VGLL4: variants seen among roughly 807,000 people sequenced by gnomAD.
VGLL4 encodes vestigial like family member 4, also known as transcription cofactor vestigial-like protein 4.
In VGLL4, 7 loss-of-function variants were observed where a neutral mutation model predicts 21.0. The observed-to-expected ratio is 0.33, with a 90% CI of 0.19 to 0.63. The LOEUF is 0.63. VGLL4 is among the 20% of genes least tolerant of loss of function. VGLL4 has a pLI of 0.78. For synonymous variants in VGLL4, 222 were observed against 173.2 expected, an observed-to-expected ratio of 1.28 and a Z score of -2.21; for missense variants, 394 against 425.7, an observed-to-expected ratio of 0.93 and a Z score of 0.66.
intron 2 of VGLL4, among the ~76,000 whole-genome samples, chr3:11,694,889 G>A (rs778976812): frequency 6.6e-5 from 10 of 152,066 alleles, no homozygotes; most frequent in Non-Finnish European, 1.5e-4. Flanking sequence ...GTTGTGTCAC[G>A]GCTAGCTTTT....
chr3:11,674,865 CAT>C (rs1360169658), intron 2 of VGLL4, among the ~76,000 whole-genome samples: 2 of 152,014 alleles, frequency 1.3e-5, no homozygotes, highest in East Asian at 3.8e-4. Context: ...AATGGAAAGA[CAT>C]AGGAAAAAGA....
At chr3:11,687,097 C>T (rs1575531201) in intron 2 of VGLL4, among the ~76,000 whole-genome samples, 2 of 152,130 alleles carry the variant, frequency 1.3e-5, no homozygotes, top group East Asian at 3.8e-4. Context: ...CCAACTACTT[C>T]ATAGCAATAA....
chr3:11,676,385 ACT>A (rs2076289398), intron 2 of VGLL4, among the ~76,000 whole-genome samples: 1 of 148,786 alleles, frequency 6.7e-6, no homozygotes, highest in Admixed American at 6.7e-5. Context: ...ACAGAGCGAG[ACT>A]CTGTCTCAAA....
At chr3:11,596,948 G>A (rs999427243) in intron 2 of VGLL4, among the ~76,000 whole-genome samples, 36 of 152,080 alleles carry the variant, frequency 2.4e-4, no homozygotes, top group Non-Finnish European at 7.4e-5. Flanking sequence ...GAGTCCCCTG[G>A]AAAAACGGCT....
chr3:11,623,459 T>C (rs1375917708), intron 1 of VGLL4, among the ~76,000 whole-genome samples: 1 of 152,124 alleles, frequency 6.6e-6, no homozygotes, highest in Non-Finnish European at 1.5e-5. Context: ...CATCCTGCAA[T>C]ATTTTCTGTC....
intron 1 of VGLL4, among the ~76,000 whole-genome samples, chr3:11,708,741 G>C (rs6801925): frequency 0.15 from 22,846 of 152,108 alleles, 2,345 homozygotes; most frequent in African/African-American, 0.28. Flanking sequence ...TGGTAGTTTT[G>C]CATTAGGATA....
At position 11,559,113 on chromosome 3, in the gene VGLL4, A is replaced by C. The variant is rs75746233; in HGVS notation, c.619+219T>G. Among the ~76,000 whole-genome samples, 441 of 152,366 alleles carry C rather than the reference A, an allele frequency of 2.9e-3. 8 individuals carry two copies. The highest frequency in any genetic ancestry group is 0.019 in the Admixed American group (286 of 15,312). On this transcript the variant is annotated intron_variant, in intron 4 of 4. Coordinates refer to ENST00000430365, the MANE Select transcript of VGLL4 (RefSeq NM_001128219.3). ...CCGCTGCCCTCCCTGCAACTAGGGC[A>C]TGAGACCCTGGAACTGAGCGAGGCG...
chr3:11,652,095 T>C (rs2075880335), intron 2 of VGLL4, among the ~76,000 whole-genome samples: 1 of 152,196 alleles, frequency 6.6e-6, no homozygotes, highest in African/African-American at 2.4e-5. Flanking sequence ...CTTCAGATCA[T>C]ATTTAAATTT....
rs148280627 is a variant in VGLL4, at chr3:11,594,262, C to T, written c.272+7571G>A. ...GTGTCACACACAGCAGGGTTAATCC[C>T]AGCTGCCAACAACTTAGACACATCA... On this transcript the variant is annotated intron_variant, in intron 2 of 4. Transcript: ENST00000430365. Among the ~76,000 whole-genome samples, 161 of 152,202 alleles carry T rather than the reference C, an allele frequency of 1.1e-3. 1 individual carries two copies. The highest frequency in any genetic ancestry group is 1.9e-3 in the Non-Finnish European group (129 of 68,038).
intron 3 of VGLL4, among the ~76,000 whole-genome samples, chr3:11,560,070 G>A (rs1015483329): frequency 1.3e-5 from 2 of 150,250 alleles, no homozygotes; most frequent in East Asian, 3.9e-4. Context: ...CCACCCCCAC[G>A]CTGTCTGCCT....
At chr3:11,661,257 A>G (rs77659406) in intron 2 of VGLL4, among the ~76,000 whole-genome samples, 2,148 of 152,222 alleles carry the variant, frequency 0.014, 20 homozygotes, top group Non-Finnish European at 0.024. Flanking sequence ...ACGCAGAAAG[A>G]ACGATCCACA....
intron 2 of VGLL4, among the ~76,000 whole-genome samples, chr3:11,671,944 TC>T (rs2076223855): frequency 6.6e-6 from 1 of 152,198 alleles, no homozygotes; most frequent in African/African-American, 2.4e-5. Context: ...AGTTCTCACT[TC>T]CTCCTCGCCT....
chr3:11,642,818 C>T (rs1164222946), intron 1 of VGLL4, among the ~76,000 whole-genome samples: 1 of 152,180 alleles, frequency 6.6e-6, no homozygotes, highest in Admixed American at 6.5e-5. Flanking sequence ...CCACAGGGAG[C>T]GGAGCGCGAG....
At chr3:11,601,523 A>G (rs951565734) in intron 2 of VGLL4, among the ~76,000 whole-genome samples, 1 of 152,228 alleles carries the variant, frequency 6.6e-6, no homozygotes, top group Non-Finnish European at 1.5e-5. Context: ...GGCAAAAAAA[A>G]GCGAAGCTTA....
At chr3:11,579,917 G>A (rs1440854936) in intron 2 of VGLL4, among the ~76,000 whole-genome samples, 3 of 152,144 alleles carry the variant, frequency 2.0e-5, no homozygotes, top group Non-Finnish European at 4.4e-5. Context: ...CTCCTTCACA[G>A]CCTCAGTCAC....
intron 2 of VGLL4, among the ~76,000 whole-genome samples, chr3:11,684,980 A>G (rs1373871520): frequency 6.6e-6 from 1 of 151,646 alleles, no homozygotes; most frequent in Non-Finnish European, 1.5e-5. Context: ...CTCTCCCTCC[A>G]CCTGCCTTCC....
chr3:11,684,376 T>C (rs1462546149), intron 2 of VGLL4, among the ~76,000 whole-genome samples: 1 of 152,076 alleles, frequency 6.6e-6, no homozygotes, highest in Non-Finnish European at 1.5e-5. Flanking sequence ...TAAAAAACTT[T>C]CCCTTTTTTT....
intron 2 of VGLL4, among the ~76,000 whole-genome samples, chr3:11,593,672 G>T (rs2074559171): frequency 1.3e-5 from 2 of 152,166 alleles, no homozygotes; most frequent in Admixed American, 1.3e-4. Context: ...GCTGCAACAG[G>T]AACCGGAGAG....
chr3:11,703,400 C>T (rs538828385), intron 1 of VGLL4, among the ~76,000 whole-genome samples: 14 of 152,310 alleles, frequency 9.2e-5, no homozygotes, highest in African/African-American at 2.9e-4. Context: ...TTCAGAACAA[C>T]GGCTGCTCTA....
Sources: allele counts gnomAD v4.1 joint callset (sites outside exome capture counted in the v4.1 genomes callset), GRCh38; gene constraint gnomAD v4.1.1; transcripts MANE v1.5; gene names NCBI Gene and HGNC (gene_info 2026-07-23, HGNC 2026-07-21).